SRGAP2: variants seen among roughly 807,000 people sequenced by gnomAD.
SRGAP2 encodes SLIT-ROBO Rho GTPase-activating protein 2.
A neutral mutation model predicts 57.2 loss-of-function variants in SRGAP2; 15 were observed. That is an observed-to-expected ratio of 0.26 (90% confidence interval 0.18 to 0.40). The LOEUF is 0.40. SRGAP2 is among the 10% of genes least tolerant of loss of function. SRGAP2 has a pLI of 1.00. For missense variants in SRGAP2, 520 were observed against 669.6 expected, an observed-to-expected ratio of 0.78 and a Z score of 2.47; for synonymous variants, 249 against 248.0, an observed-to-expected ratio of 1.00 and a Z score of -0.04.
chr1:206,371,617 G>A (rs1457152481), intron 4 of SRGAP2, among the ~76,000 whole-genome samples: 2 of 151,622 alleles, frequency 1.3e-5, no homozygotes, highest in African/African-American at 4.9e-5. Context: ...TGGAGTCCCA[G>A]CTACTTGGGA....
intron 4 of SRGAP2, among the ~76,000 whole-genome samples, chr1:206,374,019 CTTT>C (rs56021600): frequency 0.038 from 2,892 of 76,842 alleles, 33 homozygotes; most frequent in Middle Eastern, 0.074. Flanking sequence ...GATACACATT[CTTT>C]TTTTTTTTTT....
chr1:206,458,432 C>T (rs1553379186), intron 21 of SRGAP2, 191 bp from the exon 22 acceptor site: 2 of 713,796 alleles, frequency 2.8e-6, no homozygotes, highest in South Asian at 3.0e-5. Context: ...TTCTCCTTCA[C>T]CCAGCTTGGG....
At chr1:206,351,126 T>A (rs1362953380) in intron 4 of SRGAP2, among the ~76,000 whole-genome samples, 2 of 152,216 alleles carry the variant, frequency 1.3e-5, no homozygotes, top group Admixed American at 1.3e-4. Context: ...CTGTTTGGCA[T>A]GTGTGAGAAG....
chr1:206,414,172 C>T (rs536445002), intron 10 of SRGAP2, among the ~76,000 whole-genome samples: 3 of 151,896 alleles, frequency 2.0e-5, no homozygotes, highest in South Asian at 2.1e-4. Context: ...GCTGGGATTA[C>T]AGGCACTCAC....
intron 19 of SRGAP2, among the ~76,000 whole-genome samples, chr1:206,450,947 T>TAA (rs371400613): frequency 1.4e-5 from 2 of 143,604 alleles, no homozygotes; most frequent in Non-Finnish European, 3.0e-5. Context: ...CCCTGTCTCT[T>TAA]AAAAAAAAAA....
chr1:206,394,352 C>T (rs1269807254), intron 7 of SRGAP2, among the ~76,000 whole-genome samples: 13 of 152,210 alleles, frequency 8.5e-5, no homozygotes, highest in African/African-American at 2.7e-4. Context: ...GTGGGCCCTG[C>T]ACCCGACCTA....
At chr1:206,367,835 A>G (rs1654174322) in intron 4 of SRGAP2, among the ~76,000 whole-genome samples, 1 of 152,028 alleles carries the variant, frequency 6.6e-6, no homozygotes, top group Non-Finnish European at 1.5e-5. Context: ...AAATGATAAA[A>G]TATTGCTGCT....
chr1:206,273,856 C>T (rs1424281059), intron 2 of SRGAP2, among the ~76,000 whole-genome samples: 7 of 150,808 alleles, frequency 4.6e-5, no homozygotes, highest in South Asian at 4.2e-4. Context: ...GCTTCTACAA[C>T]GGGATATTGG....
In SRGAP2 at chr1:206,462,647, G is replaced by A. The variant is rs1214136425; in HGVS notation, c.*1227G>A. ...AGGGAGACCCTACCTCTTAAAACCA[G>A]TTTTCATTTATGCAAACAAGGACAA... On this transcript the variant is annotated 3_prime_UTR_variant, in exon 23 of 23. Coordinates refer to ENST00000573034, the MANE Select transcript of SRGAP2 (RefSeq NM_015326.5). The A allele has an allele frequency of 6.6e-6, 1 of 152,166 alleles. No individual in the cohort carries two copies. The highest frequency in any genetic ancestry group is 1.5e-5 in the Non-Finnish European group (1 of 68,024). The allele number at this position is 152,166 out of a possible 1,614,324, so 9.4% of individuals were successfully genotyped here.
Position 206,237,658 on chromosome 1 carries a change from T to C in SRGAP2, c.67+31621T>C, listed in dbSNP as rs193101223. On this transcript the variant is annotated intron_variant, in intron 2 of 22. Coordinates refer to ENST00000573034, the MANE Select transcript of SRGAP2 (RefSeq NM_015326.5). Reference sequence around the variant, plus strand: ...TTTATACTCATATTTCACTTGTTTGTATTATATAATAATTTAATATGTAAT... The same window carrying C: ...TTTATACTCATATTTCACTTGTTTGCATTATATAATAATTTAATATGTAAT... Among the ~76,000 whole-genome samples, 280 of 152,218 alleles carry C rather than the reference T, an allele frequency of 1.8e-3. 1 individual carries two copies. The highest frequency in any genetic ancestry group is 3.4e-3 in the Middle Eastern group (1 of 294).
At chr1:206,360,548 T>C (rs2102990088) in intron 4 of SRGAP2, among the ~76,000 whole-genome samples, 1 of 152,124 alleles carries the variant, frequency 6.6e-6, no homozygotes, top group Admixed American at 6.5e-5. Flanking sequence ...TCATAGTGGA[T>C]TGAAACAGGG....
intron 2 of SRGAP2, among the ~76,000 whole-genome samples, chr1:206,259,646 T>G (rs1669424229): frequency 6.6e-6 from 1 of 150,980 alleles, no homozygotes; most frequent in Admixed American, 6.6e-5. Flanking sequence ...TTTATCTAGT[T>G]GAGGCTATGG....
chr1:206,419,871 A>C (rs1368880102), intron 12 of SRGAP2, among the ~76,000 whole-genome samples: 2 of 151,848 alleles, frequency 1.3e-5, no homozygotes, highest in African/African-American at 4.8e-5. Flanking sequence ...CTGTTGCTGG[A>C]TAATGAAATA....
At chr1:206,435,915 A>G (rs1266685561) in intron 14 of SRGAP2, among the ~76,000 whole-genome samples, 1 of 152,224 alleles carries the variant, frequency 6.6e-6, no homozygotes, top group Non-Finnish European at 1.5e-5. Flanking sequence ...TTATCGTAGT[A>G]TAACATTCAT....
At position 206,398,524 on chromosome 1, in the gene SRGAP2, C is replaced by T. The variant is rs1356812055; in HGVS notation, c.832-2897C>T. ...CCCTTTGGCCATAGAGTAAGCAAAACAAATGGCTTCACTGGCCCCATCTAC... is the reference window on the plus strand; with the variant it reads ...CCCTTTGGCCATAGAGTAAGCAAAATAAATGGCTTCACTGGCCCCATCTAC... On this transcript the variant is annotated intron_variant, in intron 7 of 22. Coordinates refer to ENST00000573034, the MANE Select transcript of SRGAP2 (RefSeq NM_015326.5). Among the ~76,000 whole-genome samples the T allele has an allele frequency of 2.6e-5, 4 of 152,144 alleles. No homozygotes were observed. In the East Asian group the frequency reaches 7.7e-4, roughly 29 times the overall value.
chr1:206,440,154 G>A (rs1304043651), intron 17 of SRGAP2, 73 bp downstream of exon 17: 1 of 740,870 alleles, frequency 1.3e-6, no homozygotes, highest in African/African-American at 1.7e-5. Context: ...ATGGACCTAT[G>A]CCTATTCATC....
At chr1:206,304,136 T>C (rs1252315712) in intron 3 of SRGAP2, among the ~76,000 whole-genome samples, 1 of 151,720 alleles carries the variant, frequency 6.6e-6, no homozygotes, top group Non-Finnish European at 1.5e-5. Flanking sequence ...ATTCACTTGG[T>C]TCCCAGTGCC....
intron 3 of SRGAP2, among the ~76,000 whole-genome samples, chr1:206,320,784 T>C (rs1261213419): frequency 2.6e-5 from 4 of 152,016 alleles, no homozygotes; most frequent in Non-Finnish European, 5.9e-5. Context: ...CCCAAAATGT[T>C]AACATATTAC....
chr1:206,363,763 G>A lies in SRGAP2; in HGVS notation c.424-20251G>A, dbSNP rs868992425. Reference sequence around the variant, plus strand: ...TTTAAGCAATTTTGGCAAGAACACCGTAGAAGCGATGTCATATTTTTCTTA... The same window carrying A: ...TTTAAGCAATTTTGGCAAGAACACCATAGAAGCGATGTCATATTTTTCTTA... On this transcript the variant is annotated intron_variant, in intron 4 of 22. Transcript: ENST00000573034. Among the ~76,000 whole-genome samples, 20 of 152,288 alleles carry A rather than the reference G, an allele frequency of 1.3e-4. No homozygotes were observed. The South Asian group carries it at 2.7e-3, about 21-fold the overall frequency.
Sources: gnomAD v4.1 joint callset for allele counts (sites outside exome capture counted in the v4.1 genomes callset) on GRCh38, gnomAD v4.1.1 for gene constraint, MANE v1.5 for transcripts, NCBI Gene and HGNC (gene_info 2026-07-23, HGNC 2026-07-21) for gene names.